Variants in RPE observed in about 807,000 individuals in gnomAD.
RPE encodes ribulose-5-phosphate-3-epimerase, also known as ribulose-phosphate 3-epimerase.
RPE carries 16 observed loss-of-function variants against 24.6 expected under a neutral mutation model. The ratio of observed to expected loss-of-function variants is 0.65; its 90% CI spans 0.44 to 0.99. The LOEUF (loss-of-function observed/expected upper bound fraction) is 0.99. Ranked by LOEUF, RPE falls within the 50% of genes least tolerant of loss-of-function variation. The pLI is 0.00. For missense variants in RPE, 240 were observed against 294.5 expected (o/e 0.81, Z 1.35); for synonymous variants, 93 against 98.4 (o/e 0.94, Z 0.33).
In RPE at chr2:210,019,884, G is replaced by C; in HGVS notation, c.*93G>C. 1 of 1,444,848 alleles carries C rather than the reference G, an allele frequency of 6.9e-7. No individual in the cohort carries two copies. 89.5% of individuals were successfully genotyped at this position (1,444,848 alleles called of 1,614,324 possible). A position where few individuals can be genotyped will look rare whatever the true frequency, so the allele number is the denominator to read the frequency against. On this transcript the variant is annotated 3_prime_UTR_variant, in exon 6 of 6. Transcript: ENST00000359429. ...ACCAAATCACAATGCAATTGAAGCCGTACTGCTTTTTTGAGCAGTTATTCA... is the reference window on the plus strand; with the variant it reads ...ACCAAATCACAATGCAATTGAAGCCCTACTGCTTTTTTGAGCAGTTATTCA...
intron 3 of RPE, 140 bp downstream of exon 3, chr2:210,016,252 T>C (rs2093770222): frequency 1.2e-6 from 2 of 1,614,036 alleles, no homozygotes; most frequent in African/African-American, 2.7e-5. Flanking sequence ...TCAGGGCCCA[T>C]TGCAGGTAAA....
Position 210,002,675 on chromosome 2 carries a change from G to T in RPE, c.14G>T (p.Cys5Phe), listed in dbSNP as rs1248463368. The T allele has an allele frequency of 1.2e-6, 2 of 1,613,494 alleles. No homozygotes were observed. The highest frequency in any genetic ancestry group is 1.1e-5 in the South Asian group (1 of 91,052). ...GGAGCCAGCGGTATGGCGTCGGGCT[G>T]CAAGATTGGCCCGTCCATCCTCAAC... MASGCKIGPSILNSD... is the reference protein window; with the variant it reads MASGFKIGPSILNSD... The change falls in exon 1 of 6, where the codon TGC (cysteine) becomes TTC (phenylalanine). Residue 5 changes from cysteine to phenylalanine, a missense_variant. By Grantham distance (205) the Cys-to-Phe change is radical (BLOSUM62 -2). Transcript: ENST00000359429.
At chr2:210,016,248 C>A in intron 3 of RPE, 136 bp downstream of exon 3, 1 of 1,613,968 alleles carries the variant, frequency 6.2e-7, no homozygotes, top group African/African-American at 1.3e-5. Context: ...ACAGTCAGGG[C>A]CCATTGCAGG....
intron 1 of RPE, among the ~76,000 whole-genome samples, chr2:210,008,251 G>A (rs1409804945): frequency 1.3e-5 from 2 of 151,074 alleles, no homozygotes; most frequent in Non-Finnish European, 2.9e-5. Flanking sequence ...GAAGCACCTA[G>A]TATGGTACTT....
intron 1 of RPE, among the ~76,000 whole-genome samples, chr2:210,008,445 G>A (rs1314327087): frequency 2.0e-5 from 3 of 151,608 alleles, no homozygotes; most frequent in Non-Finnish European, 4.4e-5. Context: ...ATAGACGCAC[G>A]CCACCACACC....
rs767538079 is a variant in RPE at position 210,016,560 on chromosome 2, T to C, written c.396T>C (p.Ala132=). The stretch of plus-strand genomic sequence containing the variant: ...CAGTTGAGTATTTGGCACCATGGGC[T>C]AATCAGATAGATATGGCCTTGGTTA... ...GTSVEYLAPW[A]NQIDMALVMT... is the part of the protein sequence containing the mutation. The change falls in exon 4 of 6, where the codon GCT becomes GCC. Residue 132 remains alanine, a synonymous_variant. Transcript: ENST00000359429. The C allele has an allele frequency of 1.1e-5, 17 of 1,614,152 alleles. No individual in the cohort carries two copies. In the East Asian group the frequency reaches 3.8e-4, roughly 36 times the overall value.
chr2:210,005,488 A>C (rs939833577), intron 1 of RPE, among the ~76,000 whole-genome samples: 1 of 152,218 alleles, frequency 6.6e-6, no homozygotes, highest in African/African-American at 2.4e-5. Context: ...CCTAGAAAAC[A>C]CATAAATGCA....
chr2:210,017,210 T>C (rs553328248), intron 4 of RPE, among the ~76,000 whole-genome samples: 3 of 152,358 alleles, frequency 2.0e-5, no homozygotes, highest in Admixed American at 2.0e-4. Context: ...TGTCATTGAC[T>C]ATTGAGGATT....
At chr2:210,012,520 G>A (rs546808535) in intron 2 of RPE, among the ~76,000 whole-genome samples, 4 of 152,328 alleles carry the variant, frequency 2.6e-5, no homozygotes, top group African/African-American at 7.2e-5. Context: ...TAAAGTGCTT[G>A]TGCTGCATTG....
intron 3 of RPE, 138 bp downstream of exon 3, chr2:210,016,250 C>T: frequency 6.2e-7 from 1 of 1,614,022 alleles, no homozygotes; most frequent in Non-Finnish European, 8.5e-7. Context: ...AGTCAGGGCC[C>T]ATTGCAGGTA....
chr2:210,019,444 C>T (rs949705459), intron 5 of RPE, among the ~76,000 whole-genome samples: 8 of 152,112 alleles, frequency 5.3e-5, no homozygotes, highest in African/African-American at 1.9e-4. Context: ...CCAGAAAGGT[C>T]AATGATTTCT....
At chr2:210,011,133 C>G (rs1335241496) in intron 2 of RPE, among the ~76,000 whole-genome samples, 1 of 152,028 alleles carries the variant, frequency 6.6e-6, no homozygotes, top group Non-Finnish European at 1.5e-5. Flanking sequence ...ACATTATTAC[C>G]TCATTTATGT....
chr2:210,012,469 T>C (rs1448371219), intron 2 of RPE, among the ~76,000 whole-genome samples: 4 of 152,264 alleles, frequency 2.6e-5, no homozygotes, highest in Non-Finnish European at 4.4e-5. Context: ...CCTGAATACA[T>C]GCCTTTTTAA....
At chr2:210,012,653 T>C (rs2093716329) in intron 2 of RPE, among the ~76,000 whole-genome samples, 1 of 152,230 alleles carries the variant, frequency 6.6e-6, no homozygotes, top group South Asian at 2.1e-4. Context: ...ACAGATCAAC[T>C]ATGGTTTTTC....
At chr2:210,013,608 T>C (rs2093729903) in intron 2 of RPE, among the ~76,000 whole-genome samples, 1 of 152,100 alleles carries the variant, frequency 6.6e-6, no homozygotes, top group African/African-American at 2.4e-5. Context: ...CCGCCAAAAA[T>C]TACATGCTTT....
intron 1 of RPE, among the ~76,000 whole-genome samples, chr2:210,003,194 T>C (rs938721142): frequency 2.0e-5 from 3 of 152,214 alleles, no homozygotes; most frequent in South Asian, 4.1e-4. Flanking sequence ...AGTTGGCACC[T>C]GCGGTTAGGT....
chr2:210,007,376 A>ATGT (rs1284193294), intron 1 of RPE, among the ~76,000 whole-genome samples: 1 of 152,182 alleles, frequency 6.6e-6, no homozygotes, highest in East Asian at 1.9e-4. Flanking sequence ...GTTCCTTGCC[A>ATGT]CTTACCAAGT....
intron 2 of RPE, among the ~76,000 whole-genome samples, chr2:210,014,622 C>G (rs2093745336): frequency 6.7e-6 from 1 of 150,278 alleles, no homozygotes; most frequent in Non-Finnish European, 1.5e-5. Context: ...GAGAACTCAT[C>G]TCTATTAAAA....
intron 2 of RPE, among the ~76,000 whole-genome samples, chr2:210,014,659 T>C (rs1162438018): frequency 6.6e-6 from 1 of 151,904 alleles, no homozygotes. Context: ...ACAATTACTT[T>C]TGCTGGATTA....
Sources: allele counts gnomAD v4.1 joint callset (sites outside exome capture counted in the v4.1 genomes callset), GRCh38; gene constraint gnomAD v4.1.1; transcripts MANE v1.5; gene names NCBI Gene and HGNC (gene_info 2026-07-23, HGNC 2026-07-21).